Variants in CAMTA1 observed in about 807,000 individuals in gnomAD.
CAMTA1 encodes the protein calmodulin binding transcription activator 1.
Under a neutral mutation model 170.9 loss-of-function variants are expected in CAMTA1, and 27 were observed. The ratio of observed to expected loss-of-function variants is 0.16; its 90% CI spans 0.12 to 0.22. The LOEUF (loss-of-function observed/expected upper bound fraction) is 0.22. Among genes scored for constraint, CAMTA1 ranks in the 10% least tolerant of loss-of-function variants. CAMTA1 has a pLI of 1.00. For synonymous variants in CAMTA1, 833 were observed against 891.5 expected, an observed-to-expected ratio of 0.93 and a Z score of 1.17; for missense variants, 1,619 against 2,217.2, an observed-to-expected ratio of 0.73 and a Z score of 5.42.
At chr1:7,120,350 A>T (rs1644569167) in intron 4 of CAMTA1, among the ~76,000 whole-genome samples, 2 of 152,170 alleles carry the variant, frequency 1.3e-5, no homozygotes, top group African/African-American at 4.8e-5. Flanking sequence ...CCAAGCTCAC[A>T]TAGGCCTGGC....
At chr1:7,055,927 C>G (rs957571569) in intron 3 of CAMTA1, among the ~76,000 whole-genome samples, 2 of 152,198 alleles carry the variant, frequency 1.3e-5, no homozygotes, top group African/African-American at 4.8e-5. Flanking sequence ...CTGCCCCTTC[C>G]TCTGCACAAG....
At chr1:7,656,858 T>C (rs1005704967) in intron 7 of CAMTA1, among the ~76,000 whole-genome samples, 1 of 152,250 alleles carries the variant, frequency 6.6e-6, no homozygotes, top group Non-Finnish European at 1.5e-5. Context: ...TTCATATTAG[T>C]GGAAGCGCTG....
intron 6 of CAMTA1, among the ~76,000 whole-genome samples, chr1:7,486,896 T>A (rs1487240649): frequency 1.3e-5 from 2 of 152,124 alleles, no homozygotes; most frequent in Admixed American, 6.5e-5. Flanking sequence ...CAGTCTGCCC[T>A]CCCAGCACAC....
At chr1:7,739,545 G>A (rs1029946515) in intron 16 of CAMTA1, among the ~76,000 whole-genome samples, 2 of 152,148 alleles carry the variant, frequency 1.3e-5, no homozygotes, top group Admixed American at 6.5e-5. Context: ...AAGAAAAAGA[G>A]GTTTAATGGA....
chr1:7,723,193 T>C (rs939398258), intron 11 of CAMTA1, among the ~76,000 whole-genome samples: 3 of 151,998 alleles, frequency 2.0e-5, no homozygotes, highest in Non-Finnish European at 4.4e-5. Context: ...AGTTCTAGGA[T>C]TGGCACAGGG....
At chr1:7,705,386 G>T (rs893842723) in intron 11 of CAMTA1, among the ~76,000 whole-genome samples, 5 of 151,528 alleles carry the variant, frequency 3.3e-5, no homozygotes, top group Non-Finnish European at 7.4e-5. Context: ...TTTGTGCGAG[G>T]GGCGTGTGCG....
At chr1:7,529,541 A>C (rs1188465389) in intron 6 of CAMTA1, among the ~76,000 whole-genome samples, 2 of 152,102 alleles carry the variant, frequency 1.3e-5, no homozygotes, top group Non-Finnish European at 2.9e-5. Flanking sequence ...CTGAGCTCAC[A>C]CCACATGGAA....
At chr1:7,725,091 G>A (rs2096675187) in intron 11 of CAMTA1, among the ~76,000 whole-genome samples, 2 of 152,190 alleles carry the variant, frequency 1.3e-5, no homozygotes, top group Non-Finnish European at 2.9e-5. Flanking sequence ...GAGAAGCTTT[G>A]AATGAATCAG....
intron 3 of CAMTA1, among the ~76,000 whole-genome samples, chr1:6,927,028 C>G (rs1156894969): frequency 6.6e-6 from 1 of 152,078 alleles, no homozygotes; most frequent in Admixed American, 6.5e-5. Context: ...TAATGAGCCA[C>G]TGCACCTGGC....
At chr1:7,177,958 C>G (rs1051608813) in intron 4 of CAMTA1, among the ~76,000 whole-genome samples, 4 of 151,886 alleles carry the variant, frequency 2.6e-5, no homozygotes, top group Admixed American at 2.6e-4. Context: ...GGAGGCTCCT[C>G]CCACACACTG....
At chr1:7,192,148 C>G (rs1011281698) in intron 4 of CAMTA1, among the ~76,000 whole-genome samples, 1 of 152,192 alleles carries the variant, frequency 6.6e-6, no homozygotes, top group Non-Finnish European at 1.5e-5. Context: ...CTACAATGCT[C>G]CTGGTTCTGG....
At chr1:6,909,340 A>T (rs1679225703) in intron 3 of CAMTA1, among the ~76,000 whole-genome samples, 1 of 152,250 alleles carries the variant, frequency 6.6e-6, no homozygotes, top group East Asian at 1.9e-4. Context: ...TTTCTAAGCA[A>T]AAGTATAGTT....
intron 4 of CAMTA1, among the ~76,000 whole-genome samples, chr1:7,175,580 C>T (rs539992037): frequency 3.3e-4 from 50 of 152,356 alleles, no homozygotes; most frequent in African/African-American, 1.1e-3. Context: ...GCAGGAATTG[C>T]GTGGGGGGCT....
intron 4 of CAMTA1, among the ~76,000 whole-genome samples, chr1:7,186,058 G>A (rs990329430): frequency 2.6e-5 from 4 of 152,196 alleles, no homozygotes; most frequent in Admixed American, 1.3e-4. Flanking sequence ...AATACACAGT[G>A]AAGAGGTACA....
intron 3 of CAMTA1, among the ~76,000 whole-genome samples, chr1:6,829,340 A>G (rs548641243): frequency 9.8e-5 from 15 of 152,348 alleles, no homozygotes; most frequent in Admixed American, 4.6e-4. Flanking sequence ...TACTTAAGCT[A>G]CTTTTAACCT....
intron 3 of CAMTA1, among the ~76,000 whole-genome samples, chr1:6,861,964 C>CTTT (rs1328461176): frequency 1.7e-4 from 24 of 140,172 alleles, no homozygotes; most frequent in African/African-American, 2.6e-4. Flanking sequence ...TAGTATTTGT[C>CTTT]TTTTTTTTTT....
intron 6 of CAMTA1, among the ~76,000 whole-genome samples, chr1:7,541,942 T>C (rs992585106): frequency 3.3e-5 from 5 of 152,210 alleles, no homozygotes; most frequent in African/African-American, 1.2e-4. Context: ...TGTTTCTCAC[T>C]GCTTCCTCGG....
At chr1:7,645,235 C>T (rs565969731) in intron 7 of CAMTA1, among the ~76,000 whole-genome samples, 13 of 152,336 alleles carry the variant, frequency 8.5e-5, no homozygotes, top group African/African-American at 2.9e-4. Flanking sequence ...GCTCAGTGAT[C>T]TTGGGCTGCT....
intron 5 of CAMTA1, among the ~76,000 whole-genome samples, chr1:7,340,716 GCATC>G (rs60556819): frequency 0.13 from 18,861 of 146,678 alleles, 1,225 homozygotes; most frequent in African/African-American, 0.17. Context: ...TTCCACCTGT[GCATC>G]CATCCATCCA....
Sources: gnomAD v4.1 joint callset for allele counts (sites outside exome capture counted in the v4.1 genomes callset) on GRCh38, gnomAD v4.1.1 for gene constraint, MANE v1.5 for transcripts, NCBI Gene and HGNC (gene_info 2026-07-23, HGNC 2026-07-21) for gene names.